The following CTBP2 variants were observed in gnomAD, a reference collection of about 807,000 sequenced individuals.
CTBP2 encodes C-terminal binding protein 2, also known as C-terminal-binding protein 2.
A neutral mutation model predicts 80.3 loss-of-function variants in CTBP2; 30 were observed. The observed-to-expected ratio is 0.37, with a 90% CI of 0.28 to 0.51. CTBP2 has a LOEUF of 0.51. Ranked by LOEUF, CTBP2 falls within the 20% of genes least tolerant of loss-of-function variation. The probability of loss-of-function intolerance (pLI) is 0.93; values close to 1 mark genes in which losing one functional copy is unlikely to be tolerated. For missense variants in CTBP2, 1,212 were observed against 1,375.3 expected (o/e 0.88, Z 1.88); for synonymous variants, 594 against 587.4 (o/e 1.01, Z -0.16).
chr10:125,153,652 T>C (rs75251725), intron 1 of CTBP2, among the ~76,000 whole-genome samples: 1,799 of 152,312 alleles, frequency 0.012, 19 homozygotes, highest in South Asian at 0.072. Flanking sequence ...CCAGGTTAGA[T>C]TCTGGCCACT....
intron 1 of CTBP2, among the ~76,000 whole-genome samples, chr10:125,125,146 T>C (rs888275717): frequency 6.6e-6 from 1 of 152,222 alleles, no homozygotes; most frequent in Non-Finnish European, 1.5e-5. Context: ...TCTTCCCAGA[T>C]GGCTTGCTGA....
chr10:125,012,848 G>A (rs553416608), intron 1 of CTBP2, among the ~76,000 whole-genome samples: 80 of 152,156 alleles, frequency 5.3e-4, no homozygotes, highest in Non-Finnish European at 1.3e-4. Context: ...CCAAAGTGCT[G>A]GGATTACAGG....
At chr10:125,134,110 T>C (rs898912431) in intron 1 of CTBP2, among the ~76,000 whole-genome samples, 12 of 152,228 alleles carry the variant, frequency 7.9e-5, no homozygotes, top group Non-Finnish European at 1.3e-4. Context: ...CCTGGAGCGC[T>C]AGTTACTCGC....
intron 4 of CTBP2, chr10:124,996,570 TAAA>T (rs1455288541): frequency 2.0e-5 from 3 of 151,750 alleles, no homozygotes; most frequent in Non-Finnish European, 4.4e-5. Context: ...AGAGGGTTTT[TAAA>T]GTTGAATGAC....
At chr10:125,016,030 G>A (rs1186929764) in intron 1 of CTBP2, among the ~76,000 whole-genome samples, 3 of 82,702 alleles carry the variant, frequency 3.6e-5, no homozygotes, top group South Asian at 3.1e-4. Flanking sequence ...CTGGGTACCC[G>A]GATCCCTGCA....
chr10:125,051,306 T>C (rs1486303569), intron 2 of CTBP2, among the ~76,000 whole-genome samples: 6 of 152,164 alleles, frequency 3.9e-5, no homozygotes, highest in Non-Finnish European at 7.3e-5. Context: ...AGCCTGAACA[T>C]TTATGGTCTT....
At position 125,116,990 on chromosome 10, in the gene CTBP2, G is replaced by A. The variant is rs774035206; in HGVS notation, c.-205-5897C>T. On this transcript the variant is annotated intron_variant, in intron 1 of 10. Transcript: ENST00000337195. ...GACCCATGGGTTCCCTGAAGGACCA[G>A]GGACAGGCACTCAGCTGCCCGCCTC... 4.2e-4 allele frequency among the ~76,000 whole-genome samples: 64 copies of A among 152,232 alleles called. 1 individual carries two copies. Among genetic ancestry groups the A allele is most frequent in the Non-Finnish European group, 7.6e-4 (52 of 68,038 alleles).
At chr10:125,158,161 A>T (rs185909024) in intron 1 of CTBP2, among the ~76,000 whole-genome samples, 23 of 150,020 alleles carry the variant, frequency 1.5e-4, no homozygotes, top group Non-Finnish European at 2.2e-4. Flanking sequence ...ATTTATATTT[A>T]AAAAAAAAGG....
chr10:125,083,430 C>T (rs947619068), intron 2 of CTBP2, among the ~76,000 whole-genome samples: 2 of 152,174 alleles, frequency 1.3e-5, no homozygotes, highest in African/African-American at 2.4e-5. Context: ...TCCGAGGACA[C>T]AACACTGACA....
intron 2 of CTBP2, among the ~76,000 whole-genome samples, chr10:125,087,017 A>C (rs1229053056): frequency 6.6e-6 from 1 of 151,940 alleles, no homozygotes; most frequent in Admixed American, 6.6e-5. Flanking sequence ...ATCATGAGCC[A>C]GCCCTGATTC....
chr10:125,023,974 C>G (rs963368417), intron 1 of CTBP2, among the ~76,000 whole-genome samples: 1 of 152,170 alleles, frequency 6.6e-6, no homozygotes, highest in Non-Finnish European at 1.5e-5. Flanking sequence ...AACGAAGATG[C>G]GTTCAGGCTG....
chr10:124,990,101 C>T (rs1952402758), intron 8 of CTBP2, among the ~76,000 whole-genome samples: 1 of 148,544 alleles, frequency 6.7e-6, no homozygotes, highest in African/African-American at 2.5e-5. Context: ...AGTGCAGTGG[C>T]GTGAGCAATC....
At chr10:125,116,941 G>C (rs1285238065) in intron 1 of CTBP2, among the ~76,000 whole-genome samples, 1 of 152,186 alleles carries the variant, frequency 6.6e-6, no homozygotes, top group Non-Finnish European at 1.5e-5. Context: ...CCCTTGACTC[G>C]AGGCCATGAG....
chr10:125,121,670 A>G (rs1343274279), intron 1 of CTBP2, among the ~76,000 whole-genome samples: 1 of 152,270 alleles, frequency 6.6e-6, no homozygotes, highest in African/African-American at 2.4e-5. Context: ...TATTCCCTCT[A>G]GAAGCAACTC....
intron 2 of CTBP2, among the ~76,000 whole-genome samples, chr10:125,073,240 A>G (rs1044207623): frequency 3.3e-5 from 5 of 152,076 alleles, no homozygotes; most frequent in African/African-American, 1.2e-4. Flanking sequence ...TGGCTTCTGC[A>G]TCTCTCTTTT....
intron 2 of CTBP2, among the ~76,000 whole-genome samples, chr10:125,063,100 C>A (rs1047187517): frequency 6.6e-6 from 1 of 152,218 alleles, no homozygotes; most frequent in Non-Finnish European, 1.5e-5. Context: ...CCTCGGCCAG[C>A]CTCGAGCTGG....
chr10:125,154,327 A>G (rs1425918638), intron 1 of CTBP2, among the ~76,000 whole-genome samples: 2 of 152,172 alleles, frequency 1.3e-5, no homozygotes, highest in Non-Finnish European at 2.9e-5. Context: ...GCTGGCCACC[A>G]CCAGGATCAG....
intron 2 of CTBP2, among the ~76,000 whole-genome samples, chr10:125,062,334 G>A (rs1407570404): frequency 2.0e-5 from 3 of 152,184 alleles, no homozygotes; most frequent in Admixed American, 1.3e-4. Context: ...AGAAGCTAGG[G>A]TTTACTGTAT....
At chr10:125,059,519 T>C (rs546859767) in intron 2 of CTBP2, among the ~76,000 whole-genome samples, 1 of 151,996 alleles carries the variant, frequency 6.6e-6, no homozygotes, top group Admixed American at 6.5e-5. Context: ...GAGGTGGAGG[T>C]TGCAGTGAGC....
Sources: allele counts gnomAD v4.1 joint callset (sites outside exome capture counted in the v4.1 genomes callset), GRCh38; gene constraint gnomAD v4.1.1; transcripts MANE v1.5; gene names NCBI Gene and HGNC (gene_info 2026-07-23, HGNC 2026-07-21).